ZNF385B: variants seen among roughly 807,000 people sequenced by gnomAD.
ZNF385B encodes zinc finger protein 385B.
In ZNF385B, 23 loss-of-function variants were observed where a neutral mutation model predicts 39.2. That is an observed-to-expected ratio of 0.59 (90% confidence interval 0.42 to 0.83). ZNF385B has a LOEUF of 0.83. Among genes scored for constraint, ZNF385B ranks in the 40% least tolerant of loss-of-function variants. The pLI is 0.00. For synonymous variants in ZNF385B, 205 were observed against 222.6 expected, an observed-to-expected ratio of 0.92 and a Z score of 0.70; for missense variants, 552 against 598.9, an observed-to-expected ratio of 0.92 and a Z score of 0.82.
chr2:179,638,418 G>C (rs1691957128), intron 3 of ZNF385B, among the ~76,000 whole-genome samples: 1 of 152,188 alleles, frequency 6.6e-6, no homozygotes, highest in Admixed American at 6.5e-5. Context: ...GTTCTTGGTA[G>C]CAGTCCCGGT....
At chr2:179,740,611 T>C (rs1228689472) in intron 3 of ZNF385B, among the ~76,000 whole-genome samples, 2 of 152,174 alleles carry the variant, frequency 1.3e-5, no homozygotes, top group African/African-American at 4.8e-5. Context: ...TGGATTCACA[T>C]TGGTATTTTG....
chr2:179,661,370 C>A (rs887899785), intron 3 of ZNF385B, among the ~76,000 whole-genome samples: 1 of 152,172 alleles, frequency 6.6e-6, no homozygotes, highest in Admixed American at 6.5e-5. Flanking sequence ...GGTTCTGAGG[C>A]CTTGAACTTG....
At chr2:179,715,265 T>C (rs1346147388) in intron 3 of ZNF385B, among the ~76,000 whole-genome samples, 1 of 152,148 alleles carries the variant, frequency 6.6e-6, no homozygotes, top group Non-Finnish European at 1.5e-5. Context: ...CCCACCACCA[T>C]AGGTGATGAC....
intron 3 of ZNF385B, among the ~76,000 whole-genome samples, chr2:179,659,835 C>T (rs923657813): frequency 6.6e-6 from 1 of 152,132 alleles, no homozygotes; most frequent in Non-Finnish European, 1.5e-5. Context: ...TTTAATGGAA[C>T]TAAAAAATAC....
At chr2:179,731,859 G>T (rs561280780) in intron 3 of ZNF385B, among the ~76,000 whole-genome samples, 5 of 152,294 alleles carry the variant, frequency 3.3e-5, no homozygotes, top group Admixed American at 3.3e-4. Flanking sequence ...AAGACTACCG[G>T]AAATGTGCAC....
At chr2:179,580,549 C>CGTGATAAAGGTCAAATGAG (rs1686378957) in intron 3 of ZNF385B, among the ~76,000 whole-genome samples, 1 of 152,062 alleles carries the variant, frequency 6.6e-6, no homozygotes, top group Admixed American at 6.6e-5. Context: ...CAGGTAAGAA[C>CGTGATAAAGGTCAAATGAG]GTGATAAAGG....
At chr2:179,823,782 G>A (rs748089879) in intron 1 of ZNF385B, among the ~76,000 whole-genome samples, 1 of 151,972 alleles carries the variant, frequency 6.6e-6, no homozygotes, top group Non-Finnish European at 1.5e-5. Context: ...ATCTTCCTCT[G>A]TCAATCATTG....
intron 3 of ZNF385B, among the ~76,000 whole-genome samples, chr2:179,609,978 T>C (rs1468214459): frequency 1.3e-5 from 2 of 152,214 alleles, no homozygotes; most frequent in Non-Finnish European, 2.9e-5. Flanking sequence ...GTCAGATGGA[T>C]ACTTCGCAAA....
intron 4 of ZNF385B, among the ~76,000 whole-genome samples, chr2:179,537,106 T>C (rs746338569): frequency 6.7e-5 from 10 of 148,868 alleles, no homozygotes; most frequent in Non-Finnish European, 1.3e-4. Context: ...AGGTCGAGAG[T>C]TCGAGACAAG....
chr2:179,650,921 A>G (rs1008127274), intron 3 of ZNF385B, among the ~76,000 whole-genome samples: 4 of 152,184 alleles, frequency 2.6e-5, no homozygotes, highest in African/African-American at 9.7e-5. Flanking sequence ...ATACCCTATT[A>G]CAATGTAAGA....
chr2:179,648,324 G>C (rs1188668665), intron 3 of ZNF385B, among the ~76,000 whole-genome samples: 2 of 152,016 alleles, frequency 1.3e-5, no homozygotes, highest in Non-Finnish European at 2.9e-5. Flanking sequence ...AAATATATTA[G>C]GATAATGAGA....
In ZNF385B at chr2:179,770,502, C is replaced by T. The variant is rs1420786241; in HGVS notation, c.-3+19G>A. The T allele has an allele frequency of 6.6e-6, 1 of 152,186 alleles. No individual in the cohort carries two copies. Among genetic ancestry groups the T allele is most frequent in the African/African-American group, 2.4e-5 (1 of 41,452 alleles). The allele number at this position is 152,186 out of a possible 1,614,324, so 9.4% of individuals were successfully genotyped here. A position where few individuals can be genotyped will look rare whatever the true frequency, so the allele number is the denominator to read the frequency against. On this transcript the variant is annotated intron_variant, in intron 2 of 9. Transcript: ENST00000410066. The stretch of plus-strand genomic sequence containing the variant: ...AGGGCAGGTAACAAAGAACAAAATA[C>T]TGTATGCCTGCAACTTACATTGGGT...
At chr2:179,483,162 A>C (rs1166867839) in intron 6 of ZNF385B, 110 bp downstream of exon 6, 1 of 1,264,216 alleles carries the variant, frequency 7.9e-7, no homozygotes, top group African/African-American at 1.5e-5. Context: ...TTAATATCAC[A>C]AAAACAAATC....
chr2:179,784,198 CA>C (rs1559191642), intron 1 of ZNF385B, among the ~76,000 whole-genome samples: 1 of 152,088 alleles, frequency 6.6e-6, no homozygotes, highest in Non-Finnish European at 1.5e-5. Context: ...TGGAGGCTAT[CA>C]TCCTTAGCAA....
chr2:179,581,014 C>G (rs1373747774), intron 3 of ZNF385B, among the ~76,000 whole-genome samples: 2 of 152,146 alleles, frequency 1.3e-5, no homozygotes, highest in Non-Finnish European at 2.9e-5. Flanking sequence ...TGGAATGAAA[C>G]TGTCCAAGTT....
intron 3 of ZNF385B, among the ~76,000 whole-genome samples, chr2:179,720,931 T>G (rs1432904867): frequency 7.0e-6 from 1 of 143,630 alleles, no homozygotes; most frequent in African/African-American, 2.6e-5. Flanking sequence ...GGCTGTTTTT[T>G]TTTTTTTTTT....
intron 1 of ZNF385B, among the ~76,000 whole-genome samples, chr2:179,784,660 G>A (rs79597017): frequency 0.047 from 7,206 of 151,996 alleles, 242 homozygotes; most frequent in Middle Eastern, 0.078. Flanking sequence ...ATTCAGAAAA[G>A]ACATCCCAAT....
At chr2:179,712,463 C>T (rs1053552558) in intron 3 of ZNF385B, among the ~76,000 whole-genome samples, 13 of 152,236 alleles carry the variant, frequency 8.5e-5, no homozygotes, top group African/African-American at 2.6e-4. Flanking sequence ...ATACAGACAC[C>T]GTCCTTGATA....
rs914938481 is a variant in ZNF385B, at chr2:179,861,595, G to A, written c.-649C>T. On this transcript the variant is annotated 5_prime_UTR_variant, in exon 1 of 10. Coordinates refer to ENST00000410066, the MANE Select transcript of ZNF385B (RefSeq NM_152520.6). ...AGAGGGAATGAGGCGGAACCGTTCG[G>A]GGGCTCGTTGACACTGCAGAGCCTC... 2 of 152,232 alleles carry A rather than the reference G, an allele frequency of 1.3e-5. No homozygotes were observed. Among genetic ancestry groups the A allele is most frequent in the Admixed American group, 6.5e-5 (1 of 15,286 alleles). 9.4% of individuals were successfully genotyped at this position (152,232 alleles called of 1,614,324 possible).
Sources: gnomAD v4.1 joint callset for allele counts (sites outside exome capture counted in the v4.1 genomes callset) on GRCh38, gnomAD v4.1.1 for gene constraint, MANE v1.5 for transcripts, NCBI Gene and HGNC (gene_info 2026-07-23, HGNC 2026-07-21) for gene names.